Variants in TMEM132E observed in about 807,000 individuals in gnomAD.
The protein encoded by TMEM132E is transmembrane protein 132E.
In TMEM132E, 49 loss-of-function variants were observed where a neutral mutation model predicts 78.5. The ratio of observed to expected loss-of-function variants is 0.62; its 90% CI spans 0.50 to 0.79. The LOEUF (loss-of-function observed/expected upper bound fraction) is 0.79, where lower values mean the gene tolerates loss of function less well. Ranked by LOEUF, TMEM132E falls within the 30% of genes least tolerant of loss-of-function variation. The pLI is 0.00. For missense variants in TMEM132E, 1,403 were observed against 1,470.9 expected (o/e 0.95, Z 0.75); for synonymous variants, 715 against 670.6 (o/e 1.07, Z -1.02).
At chr17:34,625,368 C>G (rs972804852) in intron 1 of TMEM132E, among the ~76,000 whole-genome samples, 8 of 152,084 alleles carry the variant, frequency 5.3e-5, no homozygotes, top group African/African-American at 1.9e-4. Flanking sequence ...AGGGAGAGAG[C>G]TGGATCCCTG....
intron 1 of TMEM132E, among the ~76,000 whole-genome samples, chr17:34,597,259 G>A (rs1906091652): frequency 6.6e-6 from 1 of 152,128 alleles, no homozygotes; most frequent in African/African-American, 2.4e-5. Context: ...TTCCCCAGTA[G>A]AGGCTGTGCC....
chr17:34,591,691 C>A (rs1905874949), intron 1 of TMEM132E, among the ~76,000 whole-genome samples: 1 of 152,242 alleles, frequency 6.6e-6, no homozygotes, highest in Non-Finnish European at 1.5e-5. Flanking sequence ...AGGAGCGGAT[C>A]CACACAGGTG....
At position 34,638,257 on chromosome 17, in the gene TMEM132E, C is replaced by CG. The variant is rs768436787; in HGVS notation, c.*25_*26insG. On this transcript the variant is annotated 3_prime_UTR_variant, in exon 9 of 9. Transcript: ENST00000631683. Reference sequence around the variant, plus strand: ...GAGGCGCCAGCCGGAGTAGCAGGGACCCCCCCCCCCAACGGGGTCAGCTCG... The same window carrying CG: ...GAGGCGCCAGCCGGAGTAGCAGGGACGCCCCCCCCCCAACGGGGTCAGCTCG... The CG allele has an allele frequency of 3.8e-6, 3 of 785,168 alleles. No homozygotes were observed. Among genetic ancestry groups the CG allele is most frequent in the African/African-American group, 5.3e-5 (2 of 37,972 alleles). 48.6% of individuals were successfully genotyped at this position (785,168 alleles called of 1,614,324 possible).
At chr17:34,598,436 CA>C (rs1906126913) in intron 1 of TMEM132E, among the ~76,000 whole-genome samples, 1 of 152,112 alleles carries the variant, frequency 6.6e-6, no homozygotes, top group South Asian at 2.1e-4. Context: ...GGGTGAAGCC[CA>C]GGAGAAGGAT....
rs117020317 is a variant in TMEM132E at position 34,593,476 on chromosome 17, G to A, written c.67+12333G>A. ...CAGTACAGGGCTGGATGCTGCCCAC[G>A]GGCTTATCCATACCCAGTTCTCCTA... On this transcript the variant is annotated intron_variant, in intron 1 of 8. Coordinates refer to ENST00000631683, the MANE Select transcript of TMEM132E (RefSeq NM_001304438.2). Among the ~76,000 whole-genome samples the A allele has an allele frequency of 4.8e-3, 733 of 152,264 alleles. 1 individual carries two copies. The highest frequency in any genetic ancestry group is 8.1e-3 in the Non-Finnish European group (554 of 68,018).
At chr17:34,613,359 A>G (rs1490372537) in intron 1 of TMEM132E, among the ~76,000 whole-genome samples, 13 of 151,518 alleles carry the variant, frequency 8.6e-5, no homozygotes. Flanking sequence ...TGTAACTCTG[A>G]GAGCAGCCCC....
chr17:34,623,096 A>T (rs1907011966), intron 1 of TMEM132E, among the ~76,000 whole-genome samples: 1 of 152,172 alleles, frequency 6.6e-6, no homozygotes, highest in Non-Finnish European at 1.5e-5. Context: ...ATATTTTCTC[A>T]GTGTAATCCA....
chr17:34,586,324 TA>T (rs1159194755), intron 1 of TMEM132E, among the ~76,000 whole-genome samples: 1 of 152,100 alleles, frequency 6.6e-6, no homozygotes, highest in Non-Finnish European at 1.5e-5. Flanking sequence ...TAAATTTCTT[TA>T]AAATTTTTCC....
chr17:34,615,326 C>T (rs965318093), intron 1 of TMEM132E, among the ~76,000 whole-genome samples: 2 of 151,926 alleles, frequency 1.3e-5, no homozygotes, highest in African/African-American at 2.4e-5. Context: ...AGTTTAGTAC[C>T]CCCCTCCCCG....
chr17:34,624,532 C>T (rs994445046), intron 1 of TMEM132E, among the ~76,000 whole-genome samples: 1 of 152,096 alleles, frequency 6.6e-6, no homozygotes, highest in Non-Finnish European at 1.5e-5. Flanking sequence ...GAAGCTGGAC[C>T]CTGGAGGAAG....
intron 1 of TMEM132E, among the ~76,000 whole-genome samples, chr17:34,590,790 G>C (rs1290064155): frequency 6.6e-6 from 1 of 152,210 alleles, no homozygotes; most frequent in African/African-American, 2.4e-5. Context: ...GGGAGGTGTA[G>C]AGAGTTATGG....
intron 1 of TMEM132E, among the ~76,000 whole-genome samples, chr17:34,609,654 C>T (rs1310915435): frequency 6.6e-6 from 1 of 152,180 alleles, no homozygotes; most frequent in Non-Finnish European, 1.5e-5. Flanking sequence ...CATTCCCCTG[C>T]TCAAGAACCC....
chr17:34,634,676 A>C (rs1232526513), intron 6 of TMEM132E, 123 bp from the exon 7 acceptor site: 4 of 1,199,954 alleles, frequency 3.3e-6, no homozygotes, highest in Non-Finnish European at 4.6e-6. Flanking sequence ...GCCATAGAGG[A>C]AGCTTGCTTT....
At chr17:34,616,562 G>C (rs1906785499) in intron 1 of TMEM132E, among the ~76,000 whole-genome samples, 1 of 152,336 alleles carries the variant, frequency 6.6e-6, no homozygotes, top group Middle Eastern at 3.4e-3. Flanking sequence ...TCAGTGTTGG[G>C]AATACGGTGG....
intron 5 of TMEM132E, 79 bp downstream of exon 5, chr17:34,630,230 G>A (rs1567720985): frequency 1.3e-6 from 2 of 1,492,220 alleles, no homozygotes; most frequent in Non-Finnish European, 1.8e-6. Flanking sequence ...CAGAGTCCAG[G>A]TGGCTGACTC....
At chr17:34,628,791 T>C in intron 3 of TMEM132E, 82 bp downstream of exon 3, 1 of 1,465,802 alleles carries the variant, frequency 6.8e-7, no homozygotes, top group East Asian at 2.5e-5. Context: ...AGGAGGAGGC[T>C]AGGCTTGGGG....
At chr17:34,624,303 G>C (rs1056691472) in intron 1 of TMEM132E, among the ~76,000 whole-genome samples, 31 of 152,366 alleles carry the variant, frequency 2.0e-4, no homozygotes, top group African/African-American at 7.5e-4. Flanking sequence ...GTAATATCTA[G>C]TACTGACTAG....
At chr17:34,590,368 T>C (rs962432521) in intron 1 of TMEM132E, among the ~76,000 whole-genome samples, 2 of 152,256 alleles carry the variant, frequency 1.3e-5, no homozygotes, top group African/African-American at 4.8e-5. Flanking sequence ...CCAACCTGTC[T>C]GCTGTCCTCA....
chr17:34,604,884 C>G (rs1211201057), intron 1 of TMEM132E, among the ~76,000 whole-genome samples: 1 of 152,242 alleles, frequency 6.6e-6, no homozygotes, highest in Non-Finnish European at 1.5e-5. Flanking sequence ...TTACTGTTGT[C>G]AGCACTTTAA....
Sources: allele counts gnomAD v4.1 joint callset (sites outside exome capture counted in the v4.1 genomes callset), GRCh38; gene constraint gnomAD v4.1.1; transcripts MANE v1.5; gene names NCBI Gene and HGNC (gene_info 2026-07-23, HGNC 2026-07-21).